The following ZNF804B variants were observed in gnomAD, a reference collection of about 807,000 sequenced individuals.
ZNF804B encodes the protein zinc finger 804B.
ZNF804B carries 80 observed loss-of-function variants against 101.4 expected under a neutral mutation model. The ratio of observed to expected loss-of-function variants is 0.79; its 90% CI spans 0.66 to 0.95. The LOEUF is 0.95. Ranked by LOEUF, ZNF804B falls within the 40% of genes least tolerant of loss-of-function variation. The pLI, the probability that ZNF804B is intolerant of heterozygous loss-of-function variation, is 0.00. For synonymous variants in ZNF804B, 622 were observed against 558.8 expected, an observed-to-expected ratio of 1.11 and a Z score of -1.59; for missense variants, 1,673 against 1,561.9, an observed-to-expected ratio of 1.07 and a Z score of -1.20.
At chr7:89,137,961 T>C (rs543850047) in intron 1 of ZNF804B, among the ~76,000 whole-genome samples, 1 of 152,206 alleles carries the variant, frequency 6.6e-6, no homozygotes, top group East Asian at 1.9e-4. Context: ...TAGCCATGAC[T>C]AAAAGGGCCA....
rs149054781 is a variant in ZNF804B at position 89,244,748 on chromosome 7, G to A, written c.249+26453G>A. ...TTACATCCTCAGCTTCAAAGGAGAT[G>A]GTGCAAAACTAAGGTGTGACAAAGT... On this transcript the variant is annotated intron_variant, in intron 2 of 3. Transcript: ENST00000333190. Among the ~76,000 whole-genome samples the A allele has an allele frequency of 7.2e-5, 11 of 152,142 alleles. No individual in the cohort carries two copies. In the East Asian group the frequency reaches 1.9e-3, roughly 27 times the overall value.
At chr7:89,232,376 A>G (rs1474231145) in intron 2 of ZNF804B, among the ~76,000 whole-genome samples, 1 of 152,172 alleles carries the variant, frequency 6.6e-6, no homozygotes, top group Non-Finnish European at 1.5e-5. Flanking sequence ...TGAGAGAAAT[A>G]TAGTTCACTT....
At chr7:89,272,386 A>C (rs1467371103) in intron 2 of ZNF804B, among the ~76,000 whole-genome samples, 1 of 152,114 alleles carries the variant, frequency 6.6e-6, no homozygotes, top group African/African-American at 2.4e-5. Flanking sequence ...AAATTCAAGA[A>C]GGTTTTGTTA....
At chr7:89,318,424 A>G (rs1449856243) in intron 2 of ZNF804B, among the ~76,000 whole-genome samples, 3 of 152,190 alleles carry the variant, frequency 2.0e-5, no homozygotes, top group Non-Finnish European at 4.4e-5. Flanking sequence ...TTTTACTGGA[A>G]TAGTATTTAT....
chr7:88,950,028 C>A (rs1305755440), intron 1 of ZNF804B, among the ~76,000 whole-genome samples: 1 of 151,856 alleles, frequency 6.6e-6, no homozygotes, highest in East Asian at 2.0e-4. Context: ...TATAGACATG[C>A]AATTTATTTT....
intron 1 of ZNF804B, among the ~76,000 whole-genome samples, chr7:89,136,270 AC>A (rs1790632806): frequency 6.6e-6 from 1 of 152,106 alleles, no homozygotes; most frequent in South Asian, 2.1e-4. Flanking sequence ...TGAAAAGAAT[AC>A]TTACCATATT....
chr7:89,282,905 A>C (rs528990010), intron 2 of ZNF804B, among the ~76,000 whole-genome samples: 4 of 152,310 alleles, frequency 2.6e-5, no homozygotes, highest in African/African-American at 9.6e-5. Flanking sequence ...ATTTGAGCCC[A>C]GTGAAACTAA....
At chr7:89,137,510 C>T (rs942223559) in intron 1 of ZNF804B, among the ~76,000 whole-genome samples, 1 of 152,028 alleles carries the variant, frequency 6.6e-6, no homozygotes, top group African/African-American at 2.4e-5. Flanking sequence ...CATTTTGTCC[C>T]TGCCCTAGAG....
chr7:89,323,562 T>C (rs1452729829), intron 2 of ZNF804B, among the ~76,000 whole-genome samples: 1 of 152,154 alleles, frequency 6.6e-6, no homozygotes, highest in African/African-American at 2.4e-5. Flanking sequence ...ATAACACACT[T>C]GTATCATAAT....
intron 2 of ZNF804B, among the ~76,000 whole-genome samples, chr7:89,235,865 T>A (rs999263686): frequency 3.3e-5 from 5 of 151,910 alleles, no homozygotes; most frequent in Non-Finnish European, 2.9e-5. Context: ...TATTTAGAAA[T>A]AGGTAGTAAA....
At position 88,833,233 on chromosome 7, in the gene ZNF804B, G is replaced by T. The variant is rs1562806298; in HGVS notation, c.108+73149G>T. Among the ~76,000 whole-genome samples, 3 of 151,410 alleles carry T rather than the reference G, an allele frequency of 2.0e-5. No homozygotes were observed. The Admixed American group carries it at 2.0e-4, about 10-fold the overall frequency. On this transcript the variant is annotated intron_variant, in intron 1 of 3. Transcript: ENST00000333190. The stretch of plus-strand genomic sequence containing the variant: ...GTTTCAAGGATGATAGGAAAAAGAG[G>T]TTTGTTTTTCTAACTAGTTATCTCC...
rs115068892 is a variant in ZNF804B at position 88,912,611 on chromosome 7, T to C, written c.108+152527T>C. On this transcript the variant is annotated intron_variant, in intron 1 of 3. Coordinates refer to ENST00000333190, the MANE Select transcript of ZNF804B (RefSeq NM_181646.5). ...AGTGAGATAAAGGCCAAAGCATATT[T>C]ATCTCCAAAGTTTATGTTTTCCATG... Among the ~76,000 whole-genome samples, 1,249 of 152,252 alleles carry C rather than the reference T, an allele frequency of 8.2e-3. 20 individuals are homozygous for C. The highest frequency in any genetic ancestry group is 0.029 in the African/African-American group (1,196 of 41,560).
intron 1 of ZNF804B, among the ~76,000 whole-genome samples, chr7:89,101,179 C>T (rs1790049562): frequency 6.6e-6 from 1 of 151,998 alleles, no homozygotes. Flanking sequence ...CTCATGGGCA[C>T]TATGGCAAAA....
chr7:89,246,360 T>G (rs1015576278), intron 2 of ZNF804B, among the ~76,000 whole-genome samples: 6 of 152,106 alleles, frequency 3.9e-5, no homozygotes, highest in African/African-American at 1.4e-4. Context: ...GGCCTCTTTC[T>G]TTTCCATCAC....
At chr7:89,115,601 T>C (rs1199161837) in intron 1 of ZNF804B, among the ~76,000 whole-genome samples, 2 of 152,158 alleles carry the variant, frequency 1.3e-5, no homozygotes, top group East Asian at 3.9e-4. Context: ...TAAAAATTGG[T>C]TTCTATAAAA....
At chr7:89,220,049 A>ATACGCACATATATGTGTG (rs1788972172) in intron 2 of ZNF804B, among the ~76,000 whole-genome samples, 1 of 101,900 alleles carries the variant, frequency 9.8e-6, no homozygotes. Flanking sequence ...ATATGTGCAT[A>ATACGCACATATATGTGTG]TATACATATA....
chr7:89,330,791 A>C (rs1056637281), intron 3 of ZNF804B, among the ~76,000 whole-genome samples: 2 of 151,322 alleles, frequency 1.3e-5, no homozygotes, highest in African/African-American at 4.8e-5. Flanking sequence ...TAAGGACAAG[A>C]AGCTAGAGAA....
Position 89,164,015 on chromosome 7 carries a change from A to G in ZNF804B, c.109-54140A>G, listed in dbSNP as rs569459446. Reference sequence around the variant, plus strand: ...TTTTACATTTTGTTAGTTTGAAAGGATTTTTTTTTCTACACCTAAATTACT... The same window carrying G: ...TTTTACATTTTGTTAGTTTGAAAGGGTTTTTTTTTCTACACCTAAATTACT... On this transcript the variant is annotated intron_variant, in intron 1 of 3. Coordinates refer to ENST00000333190, the MANE Select transcript of ZNF804B (RefSeq NM_181646.5). Among the ~76,000 whole-genome samples the G allele has an allele frequency of 1.7e-4, 25 of 151,120 alleles. 1 individual carries two copies. The highest frequency in any genetic ancestry group is 5.3e-4 in the African/African-American group (22 of 41,238).
intron 1 of ZNF804B, among the ~76,000 whole-genome samples, chr7:89,042,187 G>A (rs1789025897): frequency 6.6e-6 from 1 of 152,168 alleles, no homozygotes; most frequent in African/African-American, 2.4e-5. Context: ...TTTACTTGCT[G>A]TGCACTTCGA....
Sources: allele counts gnomAD v4.1 joint callset (sites outside exome capture counted in the v4.1 genomes callset), GRCh38; gene constraint gnomAD v4.1.1; transcripts MANE v1.5; gene names NCBI Gene and HGNC (gene_info 2026-07-23, HGNC 2026-07-21).